PTPRD: variants seen among roughly 807,000 people sequenced by gnomAD.
PTPRD encodes receptor-type tyrosine-protein phosphatase delta.
A neutral mutation model predicts 214.5 loss-of-function variants in PTPRD; 34 were observed. That is an observed-to-expected ratio of 0.16 (90% confidence interval 0.12 to 0.21). PTPRD has a LOEUF of 0.21. PTPRD is among the 10% of genes least tolerant of loss of function. The pLI is 1.00. For synonymous variants in PTPRD, 1,128 were observed against 845.7 expected, an observed-to-expected ratio of 1.33 and a Z score of -5.79; for missense variants, 2,545 against 2,398.7, an observed-to-expected ratio of 1.06 and a Z score of -1.27.
intron 11 of PTPRD, among the ~76,000 whole-genome samples, chr9:8,777,259 A>G (rs10815940): frequency 0.54 from 81,083 of 151,450 alleles, 21,767 homozygotes; most frequent in Middle Eastern, 0.59. Context: ...ATTATCATTT[A>G]AACTTTTTTG....
intron 7 of PTPRD, among the ~76,000 whole-genome samples, chr9:9,688,631 GC>G (rs2097207491): frequency 6.6e-6 from 1 of 151,864 alleles, no homozygotes; most frequent in Admixed American, 6.6e-5. Context: ...GACAATGAAT[GC>G]ATATGAACTG....
rs1269880115 is a variant in PTPRD, at chr9:9,293,799, A to C, written c.-203+103650T>G. On this transcript the variant is annotated intron_variant, in intron 9 of 45. Transcript: ENST00000381196. ...TCTTAACTAAGCAGTTATGTACTGC[A>C]GTTGTAACTTTTGCAGTTTGAGGTA... Among the ~76,000 whole-genome samples the C allele has an allele frequency of 7.9e-5, 12 of 151,660 alleles. No homozygotes were observed. In the Admixed American group the frequency reaches 7.9e-4, roughly 10 times the overall value.
At chr9:8,671,447 A>G (rs1428337016) in intron 12 of PTPRD, among the ~76,000 whole-genome samples, 4 of 152,190 alleles carry the variant, frequency 2.6e-5, no homozygotes, top group Non-Finnish European at 5.9e-5. Flanking sequence ...CCCAGGATAC[A>G]GAACATATTA....
chr9:9,125,947 G>T (rs746659512), intron 10 of PTPRD, among the ~76,000 whole-genome samples: 1 of 152,182 alleles, frequency 6.6e-6, no homozygotes, highest in Non-Finnish European at 1.5e-5. Context: ...GGGGTGAATG[G>T]TCCAGGCAGA....
chr9:9,321,511 C>T (rs1388486476), intron 9 of PTPRD, among the ~76,000 whole-genome samples: 1 of 144,990 alleles, frequency 6.9e-6, no homozygotes, highest in South Asian at 2.3e-4. Flanking sequence ...GCCGAGATCA[C>T]ACCATTGCAC....
At chr9:10,116,391 A>G (rs899621990) in intron 3 of PTPRD, among the ~76,000 whole-genome samples, 3 of 152,158 alleles carry the variant, frequency 2.0e-5, no homozygotes, top group African/African-American at 4.8e-5. Flanking sequence ...AGCCATAGTC[A>G]TATTCACAGT....
chr9:8,674,199 C>G (rs2097350627), intron 12 of PTPRD, among the ~76,000 whole-genome samples: 2 of 152,102 alleles, frequency 1.3e-5, no homozygotes, highest in South Asian at 4.1e-4. Flanking sequence ...TTGGCTCATG[C>G]CTGTAATCCC....
intron 14 of PTPRD, among the ~76,000 whole-genome samples, chr9:8,616,961 T>C (rs1275582230): frequency 1.3e-5 from 2 of 152,138 alleles, no homozygotes; most frequent in Admixed American, 6.6e-5. Context: ...TTGGTAGTGG[T>C]TTAATCGGGG....
chr9:8,626,391 C>T (rs1042555340), intron 14 of PTPRD, among the ~76,000 whole-genome samples: 1 of 151,826 alleles, frequency 6.6e-6, no homozygotes. Flanking sequence ...TGAGTCACGT[C>T]CCAACCTCAT....
At position 9,953,467 on chromosome 9, in the gene PTPRD, A is replaced by T. The variant is rs1319598317; in HGVS notation, c.-471-14857T>A. ...CCCAAAAGCTACTGAAATAAAAAAA[A>T]TTAAATTAAAATAGAGGGAATTGTG... On this transcript the variant is annotated intron_variant, in intron 4 of 45. Transcript: ENST00000381196. Among the ~76,000 whole-genome samples, 4 of 151,772 alleles carry T rather than the reference A, an allele frequency of 2.6e-5. No homozygotes were observed. In the East Asian group the frequency reaches 7.8e-4, roughly 30 times the overall value.
chr9:8,897,338 G>A (rs2098627518), intron 11 of PTPRD, among the ~76,000 whole-genome samples: 1 of 152,078 alleles, frequency 6.6e-6, no homozygotes, highest in Non-Finnish European at 1.5e-5. Context: ...TCGTAGCATG[G>A]TCAGAAGGTA....
chr9:10,574,429 G>T (rs1045232248), intron 2 of PTPRD, among the ~76,000 whole-genome samples: 1 of 151,888 alleles, frequency 6.6e-6, no homozygotes, highest in South Asian at 2.1e-4. Context: ...TGAGGTAGTC[G>T]GTACAGGTAT....
intron 10 of PTPRD, among the ~76,000 whole-genome samples, chr9:9,182,331 C>T (rs1442342509): frequency 7.9e-5 from 12 of 151,868 alleles, no homozygotes; most frequent in South Asian, 2.1e-4. Flanking sequence ...GGGATAGGGA[C>T]GGTGATATTC....
At chr9:9,962,228 G>T (rs1052525586) in intron 4 of PTPRD, among the ~76,000 whole-genome samples, 2 of 152,050 alleles carry the variant, frequency 1.3e-5, no homozygotes, top group African/African-American at 4.8e-5. Context: ...GACTGGTCAA[G>T]TTATCCTAGG....
intron 39 of PTPRD, among the ~76,000 whole-genome samples, chr9:8,365,816 C>A (rs1216259281): frequency 6.6e-6 from 1 of 152,132 alleles, no homozygotes; most frequent in Non-Finnish European, 1.5e-5. Context: ...GGATGAAAAG[C>A]CTTGGGGAGA....
chr9:10,581,260 C>G (rs2071664526), intron 2 of PTPRD, among the ~76,000 whole-genome samples: 1 of 152,166 alleles, frequency 6.6e-6, no homozygotes, highest in African/African-American at 2.4e-5. Context: ...AGTATTAAGT[C>G]TCAAAACAAC....
Position 9,938,506 on chromosome 9 carries a change from C to T in PTPRD, c.-368+1G>A, listed in dbSNP as rs933677404. 6.6e-6 allele frequency: 1 copy of T among 152,138 alleles called. No individual in the cohort carries two copies. Among genetic ancestry groups the T allele is most frequent in the South Asian group, 2.1e-4 (1 of 4,818 alleles). 9.4% of individuals were successfully genotyped at this position (152,138 alleles called of 1,614,324 possible). On this transcript the variant is annotated splice_donor_variant, in intron 5 of 45. Coordinates refer to ENST00000381196, the MANE Select transcript of PTPRD (RefSeq NM_002839.4). LOFTEE classifies it low-confidence loss of function (5UTR_SPLICE). Reference sequence around the variant, plus strand: ...AGCATACCCAGTCATACTGAACTCACCTGGAGCCGAAGCCCATCGCTTCCC... The same window carrying T: ...AGCATACCCAGTCATACTGAACTCATCTGGAGCCGAAGCCCATCGCTTCCC...
intron 13 of PTPRD, among the ~76,000 whole-genome samples, chr9:8,634,840 T>C (rs2096378071): frequency 6.6e-6 from 1 of 151,770 alleles, no homozygotes; most frequent in Admixed American, 6.6e-5. Context: ...TTCCTAGATT[T>C]AGATCTATCC....
intron 3 of PTPRD, among the ~76,000 whole-genome samples, chr9:10,283,527 C>T (rs2095229937): frequency 6.6e-6 from 1 of 152,136 alleles, no homozygotes; most frequent in African/African-American, 2.4e-5. Flanking sequence ...GTCTGAGCAT[C>T]TTTTATTATG....
Sources: gnomAD v4.1 joint callset for allele counts (sites outside exome capture counted in the v4.1 genomes callset) on GRCh38, gnomAD v4.1.1 for gene constraint, MANE v1.5 for transcripts, NCBI Gene and HGNC (gene_info 2026-07-23, HGNC 2026-07-21) for gene names.